The following ARID4B variants were observed in gnomAD, a reference collection of about 807,000 sequenced individuals.
ARID4B encodes AT-rich interaction domain 4B, also known as AT-rich interactive domain-containing protein 4B.
A neutral mutation model predicts 147.5 loss-of-function variants in ARID4B; 26 were observed. That is an observed-to-expected ratio of 0.18 (90% confidence interval 0.13 to 0.24). ARID4B has a LOEUF of 0.24. Ranked by LOEUF, ARID4B falls within the 10% of genes least tolerant of loss-of-function variation. The probability of loss-of-function intolerance (pLI) is 1.00; values close to 1 mark genes in which losing one functional copy is unlikely to be tolerated. For synonymous variants in ARID4B, 512 were observed against 507.9 expected (o/e 1.01, Z -0.11); for missense variants, 1,179 against 1,511.5 (o/e 0.78, Z 3.65).
At chr1:235,303,284 G>C (rs1035959122) in intron 2 of ARID4B, among the ~76,000 whole-genome samples, 1 of 151,596 alleles carries the variant, frequency 6.6e-6, no homozygotes, top group Non-Finnish European at 1.5e-5. Flanking sequence ...TTGTATTCCT[G>C]AATTTTATGT....
At position 235,182,432 on chromosome 1, in the gene ARID4B, A is replaced by T. The variant is rs779240454; in HGVS notation, c.2487T>A (p.Asn829Lys). Residue 829 changes from asparagine (N) to lysine (K), a missense_variant, in exon 20 of 24, where the codon AAT becomes AAA. Physicochemically the swap from Asn to Lys is moderately conservative, Grantham distance 94. Transcript: ENST00000264183. The part of the protein sequence containing the change: ...QIKRGKRRYC[N>K]TEECLKTGSP... ...ATCCAGTTTTTAGACACTCTTCTGTATTGCAATACCTTCTTTTACCACGTT... is the reference window on the plus strand; with the variant it reads ...ATCCAGTTTTTAGACACTCTTCTGTTTTGCAATACCTTCTTTTACCACGTT... 6.2e-7 allele frequency: 1 copy of T among 1,611,522 alleles called. No homozygotes were observed. The highest frequency in any genetic ancestry group is 8.5e-7 in the Non-Finnish European group (1 of 1,179,478).
chr1:235,255,219 C>CTATATATATATATAGAGAGAGA (rs370660682), intron 5 of ARID4B, among the ~76,000 whole-genome samples: 1 of 127,568 alleles, frequency 7.8e-6, no homozygotes, highest in African/African-American at 3.1e-5. Flanking sequence ...CTGCTGGGAG[C>CTATATATATATATAGAGAGAGA]TAGATAGATA....
intron 2 of ARID4B, among the ~76,000 whole-genome samples, chr1:235,318,139 A>G (rs1261582293): frequency 6.6e-6 from 1 of 152,022 alleles, no homozygotes; most frequent in East Asian, 1.9e-4. Context: ...CAGCAATAAA[A>G]AAGAGCATAG....
chr1:235,281,136 G>A (rs1403272310), intron 2 of ARID4B, among the ~76,000 whole-genome samples: 1 of 152,164 alleles, frequency 6.6e-6, no homozygotes, highest in Non-Finnish European at 1.5e-5. Flanking sequence ...AAAGTGAGCA[G>A]GAGGGTTGGG....
intron 7 of ARID4B, among the ~76,000 whole-genome samples, chr1:235,243,246 T>C (rs1483498637): frequency 1.3e-5 from 2 of 152,186 alleles, no homozygotes. Flanking sequence ...TATACATCAG[T>C]GTAAACCATA....
chr1:235,270,422 G>C (rs1670906826), intron 2 of ARID4B, among the ~76,000 whole-genome samples: 1 of 151,956 alleles, frequency 6.6e-6, no homozygotes, highest in Non-Finnish European at 1.5e-5. Flanking sequence ...TGGCCCCACT[G>C]TGTATCTTCT....
chr1:235,229,407 C>T (rs1402072997), intron 10 of ARID4B, 22 bp from the exon 11 acceptor site: 6 of 1,488,040 alleles, frequency 4.0e-6, no homozygotes, highest in Non-Finnish European at 5.5e-6. Context: ...CCACAAGGTA[C>T]ATGAACTGAA....
intron 15 of ARID4B, among the ~76,000 whole-genome samples, 162 bp from the exon 16 acceptor site, chr1:235,220,130 G>A (rs1667355343): frequency 6.6e-6 from 1 of 151,892 alleles, no homozygotes; most frequent in African/African-American, 2.4e-5. Context: ...GACAAAAATA[G>A]CTAACAGCTA....
At chr1:235,312,147 G>T (rs1056398542) in intron 2 of ARID4B, among the ~76,000 whole-genome samples, 1 of 152,036 alleles carries the variant, frequency 6.6e-6, no homozygotes, top group African/African-American at 2.4e-5. Flanking sequence ...TTAGCTGGGC[G>T]TGGTGGCGCG....
rs1553311444 is a variant in ARID4B at position 235,286,060 on chromosome 1, G to GTTTGTTTTTT, written c.7-25309_7-25308insAAAAAACAAA. On this transcript the variant is annotated intron_variant, in intron 2 of 23. Coordinates refer to ENST00000264183, the MANE Select transcript of ARID4B (RefSeq NM_016374.6). ...TGGCTTTTGGGTTTTGTTTTGTTTT[G>GTTTGTTTTTT]TTTTGAGATAGGGTCTCCCTCTGTT... is the stretch of plus-strand genomic sequence containing the variant. 3.2e-4 allele frequency among the ~76,000 whole-genome samples: 48 copies of GTTTGTTTTTT among 151,482 alleles called. 1 individual carries two copies. The highest frequency in any genetic ancestry group is 1.7e-3 in the South Asian group (8 of 4,826).
chr1:235,191,880 C>G (rs1389379539), intron 19 of ARID4B, among the ~76,000 whole-genome samples: 1 of 152,102 alleles, frequency 6.6e-6, no homozygotes, highest in Non-Finnish European at 1.5e-5. Flanking sequence ...GAGTTTGAGA[C>G]AAGCCTGGGC....
At chr1:235,303,856 T>C (rs1160660899) in intron 2 of ARID4B, among the ~76,000 whole-genome samples, 1 of 152,258 alleles carries the variant, frequency 6.6e-6, no homozygotes, top group Non-Finnish European at 1.5e-5. Context: ...ATACTACATA[T>C]TCTAAATTAT....
At chr1:235,302,264 A>AAGGTAGGG (rs1673228218) in intron 2 of ARID4B, among the ~76,000 whole-genome samples, 1 of 106,570 alleles carries the variant, frequency 9.4e-6, no homozygotes, top group Admixed American at 1.1e-4. Context: ...GGGAAGTGTA[A>AAGGTAGGG]AGGGAGGGAG....
chr1:235,235,770 CCT>C (rs1668512756), intron 8 of ARID4B, among the ~76,000 whole-genome samples: 1 of 151,778 alleles, frequency 6.6e-6, no homozygotes, highest in South Asian at 2.1e-4. Context: ...AAGATTTCCC[CCT>C]CTTAAAATGA....
chr1:235,253,537 T>TA (rs1669770596), intron 5 of ARID4B, among the ~76,000 whole-genome samples: 1 of 152,248 alleles, frequency 6.6e-6, no homozygotes, highest in African/African-American at 2.4e-5. Context: ...CTGCAGTAAT[T>TA]ACTTCACAAT....
chr1:235,325,941 A>AT lies in ARID4B; in HGVS notation c.6+972dup, dbSNP rs1558318193. On this transcript the variant is annotated intron_variant, in intron 2 of 23. Transcript: ENST00000264183. ...TCTTGATTCTGAGGACAAGTGAAAT[A>AT]TTTTTTTAAATAGTTCAAAGGAACT... is the stretch of plus-strand genomic sequence containing the variant. 2.0e-5 allele frequency among the ~76,000 whole-genome samples: 3 copies of AT among 152,264 alleles called. No individual in the cohort carries two copies. The South Asian group carries it at 6.2e-4, about 32-fold the overall frequency.
In ARID4B at chr1:235,181,929, A is replaced by G; in HGVS notation, c.2990T>C (p.Ile997Thr). The G allele has an allele frequency of 6.2e-7, 1 of 1,613,994 alleles. No individual in the cohort carries two copies. The change falls in exon 20 of 24, where the codon ATT (isoleucine) becomes ACT (threonine). Residue 997 changes from isoleucine to threonine, a missense_variant. Physicochemically the swap from Ile to Thr is moderately conservative, Grantham distance 89 (BLOSUM62 -1). Around this residue, in one of 10 missense-constraint regions of ARID4B, gnomAD observed 357 missense variants for 427.3 expected, o/e 0.84. Coordinates refer to ENST00000264183, the MANE Select transcript of ARID4B (RefSeq NM_016374.6). ...PPPVNVDSKP[I>T]EEKTVEVNDR... ...ATTGACCTCTACTGTTTTTTCTTCAATGGGTTTACTATCGACATTGACTGG... is the reference window on the plus strand; with the variant it reads ...ATTGACCTCTACTGTTTTTTCTTCAGTGGGTTTACTATCGACATTGACTGG...
At chr1:235,305,507 A>G (rs1673480221) in intron 2 of ARID4B, among the ~76,000 whole-genome samples, 1 of 152,164 alleles carries the variant, frequency 6.6e-6, no homozygotes, top group South Asian at 2.1e-4. Flanking sequence ...TATTAGTAGG[A>G]GCTCTGGTTT....
intron 2 of ARID4B, among the ~76,000 whole-genome samples, chr1:235,268,258 G>A (rs999346828): frequency 6.6e-6 from 1 of 152,040 alleles, no homozygotes; most frequent in Non-Finnish European, 1.5e-5. Context: ...CTCCAAAGAA[G>A]TTAAAATGGA....
Sources: gnomAD v4.1 joint callset for allele counts (sites outside exome capture counted in the v4.1 genomes callset) on GRCh38, gnomAD v4.1.1 for gene constraint, gnomAD v4.1.1 regional missense constraint, MANE v1.5 for transcripts, NCBI Gene and HGNC (gene_info 2026-07-23, HGNC 2026-07-21) for gene names.